FRMD8: variants seen among roughly 807,000 people sequenced by gnomAD.
FRMD8 encodes the protein FERM domain containing 8, also known as FERM domain-containing protein 8.
A neutral mutation model predicts 54.2 loss-of-function variants in FRMD8; 37 were observed. The observed-to-expected ratio is 0.68, with a 90% confidence interval of 0.53 to 0.90. The LOEUF is 0.90. Ranked by LOEUF, FRMD8 falls within the 40% of genes least tolerant of loss-of-function variation. FRMD8 has a pLI of 0.00. For missense variants in FRMD8, 585 were observed against 653.7 expected, an observed-to-expected ratio of 0.89 and a Z score of 1.15; for synonymous variants, 246 against 286.9, an observed-to-expected ratio of 0.86 and a Z score of 1.44.
rs1855744637 is a variant in FRMD8, at chr11:65,386,962, C to T, written c.1-75C>T. On this transcript the variant is annotated intron_variant, in intron 1 of 10. Coordinates refer to ENST00000317568, the MANE Select transcript of FRMD8 (RefSeq NM_031904.5). ...CCAGCCTGGGATCCCTTACCGTACT[C>T]ACCGAGAGCTTGAGGAGACCTCCAG... 19 of 1,314,200 alleles carry T rather than the reference C, an allele frequency of 1.4e-5. No homozygotes were observed. In the East Asian group the frequency reaches 3.7e-4, roughly 26 times the overall value. 81.4% of individuals were successfully genotyped at this position (1,314,200 alleles called of 1,614,324 possible). A position where few individuals can be genotyped will look rare whatever the true frequency, so the allele number is the denominator to read the frequency against.
chr11:65,389,167 C>T (rs1029513255), intron 2 of FRMD8, among the ~76,000 whole-genome samples, 194 bp from the exon 3 acceptor site: 1 of 152,150 alleles, frequency 6.6e-6, no homozygotes, highest in Non-Finnish European at 1.5e-5. Context: ...AGATAGCATT[C>T]GTGATAGGGT....
chr11:65,413,409 T>C lies in FRMD8; in HGVS notation c.*2049T>C, dbSNP rs1031982673. 1 of 152,212 alleles carries C rather than the reference T, an allele frequency of 6.6e-6. No homozygotes were observed. The highest frequency in any genetic ancestry group is 2.4e-5 in the African/African-American group (1 of 41,438). The allele number at this position is 152,212 out of a possible 1,614,324, so 9.4% of individuals were successfully genotyped here. On this transcript the variant is annotated 3_prime_UTR_variant, in exon 11 of 11. Transcript: ENST00000317568. ...TTCAGCTTCTTACGTTTTCTGAGCA[T>C]CCATTGTGCCTTAACATTTTCTGCT...
At chr11:65,401,314 TC>T (rs1856074621) in intron 9 of FRMD8, among the ~76,000 whole-genome samples, 1 of 56,112 alleles carries the variant, frequency 1.8e-5, no homozygotes, top group Admixed American at 2.1e-4. Flanking sequence ...CCAGCCTCCC[TC>T]CCCAGCCTCC....
In FRMD8 at chr11:65,400,249, C is replaced by T. The variant is rs1485302631; in HGVS notation, c.927+390C>T. 1.3e-5 allele frequency among the ~76,000 whole-genome samples: 2 copies of T among 152,216 alleles called. No individual in the cohort carries two copies. Among genetic ancestry groups the T allele is most frequent in the South Asian group, 2.1e-4 (1 of 4,838 alleles). ...GTGGCCAGCCCTGGGTAGAGAGCCG[C>T]GTCAGCAGCCAGCCCTGTGGGGCAG... On this transcript the variant is annotated intron_variant, in intron 8 of 10. Transcript: ENST00000317568. This position sits in a 1 kb window ranked among gnomAD's most constrained non-coding sequence, Gnocchi z 4.3.
chr11:65,373,364 A>G, the FRMD8 span, among the ~76,000 whole-genome samples: 1 of 152,206 alleles, frequency 6.6e-6, no homozygotes, highest in Non-Finnish European at 1.5e-5. Flanking sequence ...ACTGCTAGAA[A>G]CTAGGAGTTC....
upstream of FRMD8, among the ~76,000 whole-genome samples, chr11:65,386,100 T>C (rs939117136): frequency 1.3e-5 from 2 of 152,146 alleles, no homozygotes; most frequent in African/African-American, 4.8e-5. Context: ...CCGGCCGACA[T>C]AGACATATAT....
At chr11:65,369,924 C>T in the FRMD8 span, among the ~76,000 whole-genome samples, 1 of 150,084 alleles carries the variant, frequency 6.7e-6, no homozygotes, top group African/African-American at 2.4e-5. Flanking sequence ...CCCAGCTACT[C>T]GGGAGGTGAG....
chr11:65,406,145 A>C (rs889418027), intron 10 of FRMD8, among the ~76,000 whole-genome samples: 2 of 149,892 alleles, frequency 1.3e-5, no homozygotes, highest in Non-Finnish European at 3.0e-5. Context: ...CTCCTGCCTC[A>C]ACCTCCCGAG....
chr11:65,368,436 C>G, the FRMD8 span, among the ~76,000 whole-genome samples: 2 of 152,086 alleles, frequency 1.3e-5, no homozygotes, highest in East Asian at 1.9e-4. Flanking sequence ...GTCTCAAACC[C>G]CTAGGCTCAA....
At chr11:65,377,220 A>C in the FRMD8 span, 1 of 1,439,788 alleles carries the variant, frequency 6.9e-7, no homozygotes, top group Non-Finnish European at 9.1e-7. Flanking sequence ...TCTCACGTGC[A>C]TGTGTGGCTG....
intron 3 of FRMD8, among the ~76,000 whole-genome samples, chr11:65,391,004 G>A (rs955820537): frequency 6.6e-6 from 1 of 152,174 alleles, no homozygotes; most frequent in South Asian, 2.1e-4. Context: ...TGTGACTTGG[G>A]CCCCCCCAGA....
chr11:65,386,047 C>T (rs570823831), upstream of FRMD8, among the ~76,000 whole-genome samples: 28 of 152,120 alleles, frequency 1.8e-4, no homozygotes, highest in Admixed American at 7.2e-4. Flanking sequence ...CCGCCCGCCT[C>T]GGCCTCCCAA....
intron 6 of FRMD8, among the ~76,000 whole-genome samples, chr11:65,395,934 T>C (rs751988697): frequency 9.9e-5 from 15 of 152,108 alleles, no homozygotes; most frequent in Non-Finnish European, 1.9e-4. Flanking sequence ...CTCTCACCTC[T>C]GCTGTGAGCT....
In FRMD8 at chr11:65,399,736, G is replaced by T. The variant is rs1856029444; in HGVS notation, c.804G>T (p.Gly268=). 3 of 1,613,874 alleles carry T rather than the reference G, an allele frequency of 1.9e-6. No homozygotes were observed. In the East Asian group the frequency reaches 6.7e-5, roughly 36 times the overall value. Residue 268 remains glycine (G), a splice_region_variant and synonymous_variant, in exon 8 of 11, where the codon GGG becomes GGT. Coordinates refer to ENST00000317568, the MANE Select transcript of FRMD8 (RefSeq NM_031904.5). Reference sequence around the variant, plus strand: ...AGGCTGACCCCAGTCCCCTCCCCAGGTGTGCCTTCTTCCACGGTGAGGTTG... The same window carrying T: ...AGGCTGACCCCAGTCCCCTCCCCAGTTGTGCCTTCTTCCACGGTGAGGTTG... The part of the protein sequence containing the change: ...LLKCHELPFY[G]CAFFHGEVDK...
In FRMD8 at chr11:65,404,933, C is replaced by T. The variant is rs1856160159; in HGVS notation, c.1141C>T (p.Gln381Ter). ...CCAGGCGGCGGAGCCCGCAGGCCCC[C>T]AGGACAGTGCGACTGGCTCGCCCTC... ...LSQAAEPAGP[Q>*]DSATGSPSDP... The change falls in exon 10 of 11, where the codon CAG becomes TAG. Residue 381 changes from glutamine (Q) to a stop codon, truncating the protein, a stop_gained. Transcript: ENST00000317568. LOFTEE classifies it high-confidence loss of function. This position sits in a 1 kb window ranked among gnomAD's most constrained non-coding sequence, Gnocchi z 4.7. The T allele has an allele frequency of 1.9e-6, 3 of 1,613,192 alleles. No homozygotes were observed. The highest frequency in any genetic ancestry group is 1.3e-5 in the African/African-American group (1 of 74,944).
the FRMD8 span, chr11:65,379,904 A>G: frequency 6.2e-7 from 1 of 1,614,200 alleles, no homozygotes; most frequent in Non-Finnish European, 8.5e-7. Flanking sequence ...GCAATCAACG[A>G]TGCCCCGGTA....
At position 65,404,988 on chromosome 11, in the gene FRMD8, A is replaced by G; in HGVS notation, c.1196A>G (p.Gln399Arg). ...SDPSSSLAPV[Q>R]RPKLRRQGSV... is the part of the protein sequence containing the mutation. ...CCCAGCTCCTCACTGGCTCCTGTTC[A>G]GCGCCCCAAGCTGCGGAGGCAGGGC... Residue 399 changes from glutamine (Q) to arginine (R), a missense_variant, in exon 10 of 11, where the codon CAG becomes CGG. Coordinates refer to ENST00000317568, the MANE Select transcript of FRMD8 (RefSeq NM_031904.5). The surrounding 1 kb of genome is among the most constrained non-coding windows in gnomAD (Gnocchi z 4.7). 1.2e-6 allele frequency: 2 copies of G among 1,613,284 alleles called. No individual in the cohort carries two copies. Among genetic ancestry groups the G allele is most frequent in the Non-Finnish European group, 1.7e-6 (2 of 1,180,030 alleles).
the FRMD8 span, chr11:65,376,789 C>A: frequency 1.1e-4 from 175 of 1,614,202 alleles, 6 homozygotes; most frequent in South Asian, 1.9e-3. Context: ...ACACCTCTGT[C>A]CCCCATCCTC....
the FRMD8 span, among the ~76,000 whole-genome samples, chr11:65,369,991 A>C: frequency 6.6e-6 from 1 of 151,370 alleles, no homozygotes; most frequent in Non-Finnish European, 1.5e-5. Flanking sequence ...AGATCACACC[A>C]TTGCATTCCA....
Sources: allele counts gnomAD v4.1 joint callset (sites outside exome capture counted in the v4.1 genomes callset), GRCh38; gene constraint gnomAD v4.1.1; non-coding constraint Gnocchi (gnomAD v3.1); transcripts MANE v1.5; gene names NCBI Gene and HGNC (gene_info 2026-07-23, HGNC 2026-07-21).